The following ZNF155 variants were observed in gnomAD, a reference collection of about 807,000 sequenced individuals.
ZNF155 encodes zinc finger protein 155, also known as KRAB A domain.
In ZNF155, 15 loss-of-function variants were observed where a neutral mutation model predicts 11.9. That is an observed-to-expected ratio of 1.26 (90% CI 0.84 to 1.94). The LOEUF (loss-of-function observed/expected upper bound fraction) is 1.94, where lower values mean the gene tolerates loss of function less well. Among genes scored for constraint, ZNF155 ranks in the 30% most tolerant of loss-of-function variants. The pLI, the probability that ZNF155 is intolerant of heterozygous loss-of-function variation, is 0.00. For synonymous variants in ZNF155, 212 were observed against 219.9 expected, an observed-to-expected ratio of 0.96 and a Z score of 0.32; for missense variants, 602 against 639.1, an observed-to-expected ratio of 0.94 and a Z score of 0.63.
At position 43,991,864 on chromosome 19, in the gene ZNF155, T is replaced by C; in HGVS notation, c.165T>C (p.Asp55=). Residue 55 remains aspartate, a synonymous_variant, in exon 4 of 5, where the codon GAT becomes GAC. Transcript: ENST00000270014. Reference sequence around the variant, plus strand: ...CAGGGCATCAACCGTTCCACCAAGATACTTGCCACTTCCTAAGGGAAGAAA... The same window carrying C: ...CAGGGCATCAACCGTTCCACCAAGACACTTGCCACTTCCTAAGGGAAGAAA... ...LSVGHQPFHQ[D]TCHFLREEKF... is the part of the protein sequence containing the mutation. 6.2e-7 allele frequency: 1 copy of C among 1,614,048 alleles called. No homozygotes were observed.
intron 2 of ZNF155, 23 bp downstream of exon 2, chr19:43,988,581 G>T: frequency 6.3e-7 from 1 of 1,593,046 alleles, no homozygotes; most frequent in Non-Finnish European, 8.6e-7. Context: ...TGCCTCTCTC[G>T]CTGTTAAAAT....
rs1402233207 is a variant in ZNF155, at chr19:43,984,215, C to T, written c.-116C>T. The T allele has an allele frequency of 6.6e-6, 1 of 152,114 alleles. No individual in the cohort carries two copies. Among genetic ancestry groups the T allele is most frequent in the Non-Finnish European group, 1.5e-5 (1 of 68,050 alleles). 9.4% of individuals were successfully genotyped at this position (152,114 alleles called of 1,614,324 possible). ...CGACACTTCCGGTCTCCGAGCAGGA[C>T]ACTGCTACTTAACAAGGTGGTTTGA... On this transcript the variant is annotated 5_prime_UTR_variant, in exon 1 of 5. Coordinates refer to ENST00000270014, the MANE Select transcript of ZNF155 (RefSeq NM_198089.3).
intron 1 of ZNF155, among the ~76,000 whole-genome samples, chr19:43,985,940 C>A (rs1294531109): frequency 1.3e-5 from 2 of 152,110 alleles, no homozygotes; most frequent in Non-Finnish European, 2.9e-5. Flanking sequence ...TGGGTCAGAG[C>A]CTGAGTTGAT....
At chr19:43,989,790 G>T (rs2147381687) in intron 2 of ZNF155, among the ~76,000 whole-genome samples, 1 of 152,246 alleles carries the variant, frequency 6.6e-6, no homozygotes, top group South Asian at 2.1e-4. Context: ...GTTACCAGAA[G>T]AAATAATGAC....
intron 1 of ZNF155, among the ~76,000 whole-genome samples, chr19:43,986,597 C>T (rs1975457357): frequency 6.6e-6 from 1 of 151,750 alleles, no homozygotes; most frequent in Non-Finnish European, 1.5e-5. Flanking sequence ...CTACAGGTGC[C>T]GGCCACCATG....
intron 2 of ZNF155, chr19:43,990,009 T>C: frequency 6.9e-7 from 1 of 1,439,352 alleles, no homozygotes; most frequent in South Asian, 1.4e-5. Flanking sequence ...TAGAATGATT[T>C]GTTCCCCAAA....
chr19:43,985,470 G>C (rs1401146073), intron 1 of ZNF155, among the ~76,000 whole-genome samples: 1 of 151,886 alleles, frequency 6.6e-6, no homozygotes, highest in African/African-American at 2.4e-5. Flanking sequence ...AATTCTAAGG[G>C]CTTTATGGAA....
chr19:43,991,530 G>A lies in ZNF155; in HGVS notation c.16-18G>A. 1.2e-6 allele frequency: 2 copies of A among 1,614,034 alleles called. No homozygotes were observed. Among genetic ancestry groups the A allele is most frequent in the Non-Finnish European group, 8.5e-7 (1 of 1,179,954 alleles). On this transcript the variant is annotated intron_variant, in intron 2 of 4. Transcript: ENST00000270014. ...TCCTTGGTCATAAGATTGAAGTTAT[G>A]TCTTCTTGATGTTGTAGGAGGCAGT...
chr19:43,994,670 T>C (rs1205188659), intron 4 of ZNF155, among the ~76,000 whole-genome samples: 1 of 152,202 alleles, frequency 6.6e-6, no homozygotes, highest in African/African-American at 2.4e-5. Flanking sequence ...GACCTTCTAT[T>C]GTATTCTCCT....
At chr19:43,987,094 T>C (rs917898062) in intron 1 of ZNF155, among the ~76,000 whole-genome samples, 5 of 152,246 alleles carry the variant, frequency 3.3e-5, no homozygotes, top group African/African-American at 9.6e-5. Context: ...TATTAAATGA[T>C]ATTTATTAAA....
intron 1 of ZNF155, among the ~76,000 whole-genome samples, chr19:43,986,051 A>G (rs1386982163): frequency 6.6e-6 from 1 of 152,258 alleles, no homozygotes; most frequent in African/African-American, 2.4e-5. Context: ...AGCAAGGCTC[A>G]TAGACTTGGA....
In ZNF155 at chr19:43,997,329, A is replaced by G. The variant is rs146361192; in HGVS notation, c.1472A>G (p.Lys491Arg). Residue 491 changes from lysine to arginine, a missense_variant, in exon 5 of 5, where the codon AAG becomes AGG. By Grantham distance (26) the Lys-to-Arg change is conservative. Transcript: ENST00000270014. ...CCATTCAAATGTGAGGACTGTGGAA[A>G]GAGGCTTGTACACAGGACATACCGT... ...KKPFKCEDCG[K>R]RLVHRTYRKD... 631 of 1,613,886 alleles carry G rather than the reference A, an allele frequency of 3.9e-4. 3 individuals are homozygous for G. The African/African-American group carries it at 7.3e-3, about 19-fold the overall frequency.
In ZNF155 at chr19:43,996,914, T is replaced by C; in HGVS notation, c.1057T>C (p.Phe353Leu). Residue 353 changes from phenylalanine (F) to leucine (L), a missense_variant, in exon 5 of 5, where the codon TTT becomes CTT. Transcript: ENST00000270014. ...CAGATGTGAGCAGTGTGGAAAAGGC[T>C]TTATTGGTAGGCTAGATTTTTATAA... The part of the protein sequence containing the change: ...PYRCEQCGKG[F>L]IGRLDFYKHQ... 5.6e-6 allele frequency: 9 copies of C among 1,614,084 alleles called. No individual in the cohort carries two copies. The highest frequency in any genetic ancestry group is 7.6e-6 in the Non-Finnish European group (9 of 1,179,992).
chr19:43,990,224 A>G (rs1041869423), intron 2 of ZNF155: 1 of 304,444 alleles, frequency 3.3e-6, no homozygotes, highest in South Asian at 5.1e-5. Flanking sequence ...ACAATGAGAG[A>G]GTAAGATGTT....
At chr19:43,995,406 C>CTT (rs60385928) in intron 4 of ZNF155, among the ~76,000 whole-genome samples, 2 of 94,236 alleles carry the variant, frequency 2.1e-5, no homozygotes, top group East Asian at 3.2e-4. Context: ...GCATCCAGCA[C>CTT]TTTTTTTTTT....
rs749385534 is a variant in ZNF155 at position 43,996,214 on chromosome 19, A to G, written c.357A>G (p.Ile119Met). The G allele has an allele frequency of 6.2e-7, 1 of 1,614,186 alleles. No individual in the cohort carries two copies. The highest frequency in any genetic ancestry group is 1.3e-5 in the African/African-American group (1 of 75,040). Residue 119 changes from isoleucine (I) to methionine (M), a missense_variant, in exon 5 of 5, where the codon ATA becomes ATG. Ile to Met is a conservative substitution (Grantham distance 10). Transcript: ENST00000270014. Reference protein sequence around the residue: ...KDLTRSQDSIINNSQFFENGD... With the variant: ...KDLTRSQDSIMNNSQFFENGD... Reference sequence around the variant, plus strand: ...TAACCAGGTCTCAGGACTCTATCATAAATAACTCTCAGTTCTTTGAAAATG... The same window carrying G: ...TAACCAGGTCTCAGGACTCTATCATGAATAACTCTCAGTTCTTTGAAAATG...
rs1975973489 is a variant in ZNF155, at chr19:43,998,088, C to G, written c.*614C>G. ...ACTTCAACTCCTGATTGGTCCCGGG[C>G]CAAGCTGAATAGCCCTTATGAATCA... On this transcript the variant is annotated 3_prime_UTR_variant, in exon 5 of 5. Coordinates refer to ENST00000270014, the MANE Select transcript of ZNF155 (RefSeq NM_198089.3). 1 of 151,744 alleles carries G rather than the reference C, an allele frequency of 6.6e-6. No homozygotes were observed. Among genetic ancestry groups the G allele is most frequent in the African/African-American group, 2.4e-5 (1 of 41,172 alleles). 9.4% of individuals were successfully genotyped at this position (151,744 alleles called of 1,614,324 possible). A position where few individuals can be genotyped will look rare whatever the true frequency, so the allele number is the denominator to read the frequency against.
In ZNF155 at chr19:43,997,566, C is replaced by A; in HGVS notation, c.*92C>A. ...AGTGTAATTGGTGTATCTGTTACCT[C>A]AAACATTTACCATTTCTTTGTGTTG... On this transcript the variant is annotated 3_prime_UTR_variant, in exon 5 of 5. Coordinates refer to ENST00000270014, the MANE Select transcript of ZNF155 (RefSeq NM_198089.3). 9.1e-7 allele frequency: 1 copy of A among 1,097,862 alleles called. No homozygotes were observed. Among genetic ancestry groups the A allele is most frequent in the Non-Finnish European group, 1.3e-6 (1 of 794,368 alleles). 68.0% of individuals were successfully genotyped at this position (1,097,862 alleles called of 1,614,324 possible).
At chr19:43,993,361 C>T (rs1379552093) in intron 4 of ZNF155, among the ~76,000 whole-genome samples, 1 of 152,064 alleles carries the variant, frequency 6.6e-6, no homozygotes, top group Non-Finnish European at 1.5e-5. Flanking sequence ...GGGAAACTGC[C>T]CTCTAAAACT....
Sources: gnomAD v4.1 joint callset for allele counts (sites outside exome capture counted in the v4.1 genomes callset) on GRCh38, gnomAD v4.1.1 for gene constraint, MANE v1.5 for transcripts, NCBI Gene and HGNC (gene_info 2026-07-23, HGNC 2026-07-21) for gene names.